Variants in ARHGAP29 observed in about 807,000 individuals in gnomAD.
ARHGAP29 encodes rho GTPase-activating protein 29.
In ARHGAP29, 43 loss-of-function variants were observed where a neutral mutation model predicts 122.6. The ratio of observed to expected loss-of-function variants is 0.35; its 90% confidence interval spans 0.27 to 0.45. The LOEUF is 0.45. Ranked by LOEUF, ARHGAP29 falls within the 20% of genes least tolerant of loss-of-function variation. The probability of loss-of-function intolerance (pLI) is 1.00; values close to 1 mark genes in which losing one functional copy is unlikely to be tolerated. For synonymous variants in ARHGAP29, 506 were observed against 497.1 expected (o/e 1.02, Z -0.24); for missense variants, 1,303 against 1,477.2 (o/e 0.88, Z 1.93).
At chr1:94,196,256 C>CTTTTTTTTTTTTTTTTTTTTTTTT (rs917635883) in intron 12 of ARHGAP29, among the ~76,000 whole-genome samples, 1 of 91,150 alleles carries the variant, frequency 1.1e-5, no homozygotes, top group African/African-American at 4.4e-5. Context: ...CCGTGTTTTT[C>CTTTTTTTTTTTTTTTTTTTTTTTT]TTTTTTTTTT....
At chr1:94,198,508 TAAC>T (rs889575253) in intron 12 of ARHGAP29, among the ~76,000 whole-genome samples, 57 of 151,790 alleles carry the variant, frequency 3.8e-4, no homozygotes, top group Middle Eastern at 3.4e-3. Flanking sequence ...CCAAACCAAT[TAAC>T]AATGGGAATT....
chr1:94,272,426 T>C (rs1655027050), intron 1 of ARHGAP29, among the ~76,000 whole-genome samples: 1 of 152,122 alleles, frequency 6.6e-6, no homozygotes, highest in Admixed American at 6.5e-5. Context: ...ACCATGAAAG[T>C]GTGTTGCTCA....
In ARHGAP29 at chr1:94,174,651, A is replaced by C; in HGVS notation, c.3004T>G (p.Ser1002Ala). The stretch of plus-strand genomic sequence containing the variant: ...GTATGCCTCTCCACATTGTTTGTTG[A>C]CCTATCAGATTTCAGAGAAAGTGGC... ...PKPLSLKSDRSTNNVERHTPR... is the reference protein window; with the variant it reads ...PKPLSLKSDRATNNVERHTPR... The change falls in exon 23 of 23, where the codon TCA becomes GCA. Residue 1002 changes from serine (S) to alanine (A), a missense_variant. Ser to Ala is a moderately conservative substitution (Grantham distance 99, BLOSUM62 1). Coordinates refer to ENST00000260526, the MANE Select transcript of ARHGAP29 (RefSeq NM_004815.4). 1 of 1,614,046 alleles carries C rather than the reference A, an allele frequency of 6.2e-7. No homozygotes were observed. The highest frequency in any genetic ancestry group is 8.5e-7 in the Non-Finnish European group (1 of 1,180,016).
At chr1:94,207,427 CAAAAGAAAA>C (rs955674191) in intron 5 of ARHGAP29, among the ~76,000 whole-genome samples, 35 of 150,636 alleles carry the variant, frequency 2.3e-4, no homozygotes, top group African/African-American at 7.3e-4. Flanking sequence ...AAAAAAAGTA[CAAAAGAAAA>C]AAAAGAAAAA....
chr1:94,295,709 A>ATCTTCTAATTCCACACAATGTGGAATC, the ARHGAP29 span, among the ~76,000 whole-genome samples: 4 of 10,710 alleles, frequency 3.7e-4, no homozygotes, highest in African/African-American at 5.7e-4. Flanking sequence ...CTAATGTGGA[A>ATCTTCTAATTCCACACAATGTGGAATC]TTCTAACTCC....
chr1:94,227,214 C>T (rs931520848), intron 2 of ARHGAP29, among the ~76,000 whole-genome samples: 2 of 151,738 alleles, frequency 1.3e-5, no homozygotes, highest in East Asian at 3.9e-4. Context: ...CTACTTCCGA[C>T]TATAGTCCTG....
chr1:94,286,387 T>G, the ARHGAP29 span, among the ~76,000 whole-genome samples: 11 of 152,174 alleles, frequency 7.2e-5, 1 homozygote, highest in South Asian at 2.3e-3. Context: ...AAAAATTTAG[T>G]CTGAGCATGG....
At position 94,169,810 on chromosome 1, in the gene ARHGAP29, G is replaced by C. The variant is rs544622712; in HGVS notation, c.*4059C>G. ...ATGAGCTCGTAAAAAAAATAAGAGG[G>C]GAAAAAGCAATGAGGCATCTCTAAG... On this transcript the variant is annotated 3_prime_UTR_variant, in exon 23 of 23. Coordinates refer to ENST00000260526, the MANE Select transcript of ARHGAP29 (RefSeq NM_004815.4). Among the ~76,000 whole-genome samples the C allele has an allele frequency of 7.8e-4, 118 of 152,170 alleles. No individual in the cohort carries two copies. The highest frequency in any genetic ancestry group is 2.7e-3 in the African/African-American group (114 of 41,512).
chr1:94,180,009 A>T, intron 19 of ARHGAP29, 52 bp from the exon 20 acceptor site: 1 of 1,265,572 alleles, frequency 7.9e-7, no homozygotes, highest in Non-Finnish European at 1.1e-6. Flanking sequence ...TTCTGTTAAT[A>T]ATCAACTATT....
At chr1:94,221,592 TATAG>T (rs1425263798) in intron 2 of ARHGAP29, among the ~76,000 whole-genome samples, 3 of 150,560 alleles carry the variant, frequency 2.0e-5, no homozygotes, top group South Asian at 4.1e-4. Context: ...TATGACTACA[TATAG>T]AAATATTTGT....
intron 1 of ARHGAP29, among the ~76,000 whole-genome samples, chr1:94,242,778 G>A (rs1393154960): frequency 6.6e-6 from 1 of 151,978 alleles, no homozygotes; most frequent in Non-Finnish European, 1.5e-5. Context: ...TTCTCAGAGT[G>A]AGTAAAAAAG....
intron 16 of ARHGAP29, 102 bp downstream of exon 16, chr1:94,186,396 AC>A: frequency 1.3e-6 from 1 of 795,812 alleles, no homozygotes; most frequent in Middle Eastern, 2.5e-4. Context: ...TGTTTAATAC[AC>A]AAAAAAGTAT....
chr1:94,245,939 G>A (rs982653827), intron 1 of ARHGAP29, among the ~76,000 whole-genome samples: 1 of 152,176 alleles, frequency 6.6e-6, no homozygotes, highest in Admixed American at 6.5e-5. Flanking sequence ...ATGTGAGGAA[G>A]TGAAGGTGCT....
At chr1:94,304,426 C>T in the ARHGAP29 span, among the ~76,000 whole-genome samples, 2 of 152,332 alleles carry the variant, frequency 1.3e-5, no homozygotes, top group East Asian at 3.9e-4. Flanking sequence ...AGGCGCGAGC[C>T]ACCACACCTG....
upstream of ARHGAP29, among the ~76,000 whole-genome samples, chr1:94,241,641 ATTATATATATATC>A (rs1302640524): frequency 6.5e-3 from 803 of 123,388 alleles, 1 homozygote; most frequent in Middle Eastern, 0.045. Flanking sequence ...TTTATATATA[ATTATATATATATC>A]TTATATATAT....
intron 22 of ARHGAP29, among the ~76,000 whole-genome samples, chr1:94,175,996 C>T (rs1418990242): frequency 6.6e-6 from 1 of 152,206 alleles, no homozygotes. Context: ...AGCCACCACA[C>T]CTGGCCCAAG....
At position 94,181,494 on chromosome 1, in the gene ARHGAP29, G is replaced by A. The variant is rs146028697; in HGVS notation, c.2248-1537C>T. Among the ~76,000 whole-genome samples the A allele has an allele frequency of 1.6e-3, 241 of 152,198 alleles. 3 individuals carry two copies. Among genetic ancestry groups the A allele is most frequent in the African/African-American group, 5.4e-3 (225 of 41,538 alleles). On this transcript the variant is annotated intron_variant, in intron 19 of 22. Coordinates refer to ENST00000260526, the MANE Select transcript of ARHGAP29 (RefSeq NM_004815.4). ...TCCTGTGGCCTTCTTAGCCTACTTG[G>A]CTCTTACAGGACTGGTACCACACTC...
chr1:94,222,277 A>C (rs1652347039), intron 2 of ARHGAP29, among the ~76,000 whole-genome samples: 1 of 152,234 alleles, frequency 6.6e-6, no homozygotes, highest in African/African-American at 2.4e-5. Context: ...ACTCTCTTAC[A>C]TATGACCTAT....
chr1:94,249,898 A>C (rs1184476846), intron 1 of ARHGAP29, among the ~76,000 whole-genome samples: 2 of 152,146 alleles, frequency 1.3e-5, no homozygotes, highest in African/African-American at 4.8e-5. Context: ...GTACTACATT[A>C]GTTAGGTCTG....
Sources: allele counts gnomAD v4.1 joint callset (sites outside exome capture counted in the v4.1 genomes callset), GRCh38; gene constraint gnomAD v4.1.1; transcripts MANE v1.5; gene names NCBI Gene and HGNC (gene_info 2026-07-23, HGNC 2026-07-21).